Variants in CTNNA1 observed in about 807,000 individuals in gnomAD.
CTNNA1 encodes catenin alpha-1.
CTNNA1 carries 37 observed loss-of-function variants against 98.4 expected under a neutral mutation model. The observed-to-expected ratio is 0.38, with a 90% CI of 0.29 to 0.49. CTNNA1 has a LOEUF of 0.49. Among genes scored for constraint, CTNNA1 ranks in the 20% least tolerant of loss-of-function variants. The pLI is 0.95. For synonymous variants in CTNNA1, 404 were observed against 413.2 expected (o/e 0.98, Z 0.27); for missense variants, 761 against 1,147.2 (o/e 0.66, Z 4.86).
At position 138,876,781 on chromosome 5, in the gene CTNNA1, G is replaced by T. The variant is rs143340313; in HGVS notation, c.1063-9431G>T. 3.4e-3 allele frequency among the ~76,000 whole-genome samples: 514 copies of T among 152,322 alleles called. 1 individual carries two copies. The highest frequency in any genetic ancestry group is 0.014 in the Middle Eastern group (4 of 294). On this transcript the variant is annotated intron_variant, in intron 7 of 17. Transcript: ENST00000302763. Reference sequence around the variant, plus strand: ...CTGTTGTAGTGTTGTGCTGGAGTGAGAGCTGTGAGACTCCAAGGTCCCTTC... The same window carrying T: ...CTGTTGTAGTGTTGTGCTGGAGTGATAGCTGTGAGACTCCAAGGTCCCTTC...
At chr5:138,848,488 CT>C (rs1762922878) in intron 7 of CTNNA1, among the ~76,000 whole-genome samples, 1 of 152,170 alleles carries the variant, frequency 6.6e-6, no homozygotes, top group South Asian at 2.1e-4. Context: ...AGTTCTCTCT[CT>C]GCTCCCCCTT....
intron 7 of CTNNA1, among the ~76,000 whole-genome samples, chr5:138,865,265 G>C (rs776380401): frequency 1.3e-5 from 2 of 152,180 alleles, no homozygotes; most frequent in Non-Finnish European, 2.9e-5. Flanking sequence ...GAAAGTGCTT[G>C]GTTCATTCTT....
At chr5:138,904,518 A>G (rs1758749174) in intron 10 of CTNNA1, 77 bp downstream of exon 10, 1 of 1,549,244 alleles carries the variant, frequency 6.5e-7, no homozygotes, top group Non-Finnish European at 8.8e-7. Flanking sequence ...TTATTTTGTT[A>G]AGTTTTGTTT....
rs117087060 is a variant in CTNNA1 at position 138,757,420 on chromosome 5, G to C, written c.-3+3910G>C. On this transcript the variant is annotated intron_variant, in intron 1 of 17. Transcript: ENST00000302763. ...ACAGTTCAAGGCTGCTGTGAACTATGATCATGCCCCTGCACTCCAGCCTGG... is the reference window on the plus strand; with the variant it reads ...ACAGTTCAAGGCTGCTGTGAACTATCATCATGCCCCTGCACTCCAGCCTGG... Among the ~76,000 whole-genome samples, 717 of 152,206 alleles carry C rather than the reference G, an allele frequency of 4.7e-3. 8 individuals are homozygous for C. Among genetic ancestry groups the C allele is most frequent in the East Asian group, 0.042 (218 of 5,174 alleles).
Position 138,873,396 on chromosome 5 carries a change from TTGA to T in CTNNA1, c.1063-12812_1063-12810del. 1 of 1,614,068 alleles carries T rather than the reference TTGA, an allele frequency of 6.2e-7. No individual in the cohort carries two copies. Among genetic ancestry groups the T allele is most frequent in the Non-Finnish European group, 8.5e-7 (1 of 1,179,906 alleles). On this transcript the variant is annotated intron_variant, in intron 7 of 17. Coordinates refer to ENST00000302763, the MANE Select transcript of CTNNA1 (RefSeq NM_001903.5). The surrounding 1 kb of genome is among the most constrained non-coding windows in gnomAD (Gnocchi z 6.1). ...ATTTCTTTGTCTCCCACATGGTAAC[TTGA>T]TGAGCTTATTCTTTTTGTATATTCA...
intron 1 of CTNNA1, among the ~76,000 whole-genome samples, chr5:138,768,558 GTTTT>G (rs36038829): frequency 3.0e-5 from 2 of 67,604 alleles, no homozygotes; most frequent in Admixed American, 2.0e-4. Flanking sequence ...AACGGTGTCT[GTTTT>G]TTTTTTTTTT....
intron 7 of CTNNA1, chr5:138,871,273 T>C (rs1457192953): frequency 6.6e-6 from 1 of 152,212 alleles, no homozygotes; most frequent in East Asian, 1.9e-4. Context: ...GTCTTTTTTC[T>C]ACATACAGTA....
chr5:138,810,268 T>C, intron 4 of CTNNA1, 64 bp downstream of exon 4: 2 of 1,528,188 alleles, frequency 1.3e-6, no homozygotes, highest in South Asian at 2.3e-5. Flanking sequence ...TGGCCTTCCT[T>C]AGTTCAGTAT....
chr5:138,842,522 C>T (rs534981924), intron 7 of CTNNA1, among the ~76,000 whole-genome samples: 1 of 152,286 alleles, frequency 6.6e-6, no homozygotes, highest in East Asian at 1.9e-4. Context: ...GATCCTCTCA[C>T]CTCCCTCACC....
intron 10 of CTNNA1, among the ~76,000 whole-genome samples, chr5:138,914,611 A>G (rs1274495900): frequency 6.6e-6 from 1 of 151,954 alleles, no homozygotes; most frequent in East Asian, 1.9e-4. Context: ...GGGAAGAGGA[A>G]TAGCGGCACC....
Position 138,841,847 on chromosome 5 carries a change from A to G in CTNNA1, c.1062+14129A>G, listed in dbSNP as rs1250576120. Among the ~76,000 whole-genome samples the G allele has an allele frequency of 2.0e-5, 3 of 152,364 alleles. No homozygotes were observed. In the East Asian group the frequency reaches 5.8e-4, roughly 29 times the overall value. ...TTTATAATAATCTACCAAGTTGAATACAGTGTGACATCGTATTTCAAGGCT... is the reference window on the plus strand; with the variant it reads ...TTTATAATAATCTACCAAGTTGAATGCAGTGTGACATCGTATTTCAAGGCT... On this transcript the variant is annotated intron_variant, in intron 7 of 17. Coordinates refer to ENST00000302763, the MANE Select transcript of CTNNA1 (RefSeq NM_001903.5).
intron 7 of CTNNA1, among the ~76,000 whole-genome samples, chr5:138,830,751 A>G (rs1401464711): frequency 6.6e-6 from 1 of 152,208 alleles, no homozygotes. Flanking sequence ...GGCACAATGT[A>G]AGAGGAGGAA....
chr5:138,919,573 C>A (rs1032478664), intron 11 of CTNNA1, among the ~76,000 whole-genome samples: 1 of 152,198 alleles, frequency 6.6e-6, no homozygotes, highest in African/African-American at 2.4e-5. Flanking sequence ...TTAACAGATA[C>A]ACTGTTGTCT....
intron 7 of CTNNA1, chr5:138,827,951 A>C: frequency 1.9e-6 from 1 of 527,050 alleles, no homozygotes; most frequent in Non-Finnish European, 3.4e-6. Context: ...ATACCTAGGA[A>C]ATTTATCTGT....
At chr5:138,819,080 G>A (rs1384622112) in intron 5 of CTNNA1, among the ~76,000 whole-genome samples, 1 of 151,964 alleles carries the variant, frequency 6.6e-6, no homozygotes, top group Non-Finnish European at 1.5e-5. Context: ...TTGGGAAGAA[G>A]GGGTGCTCTG....
chr5:138,776,898 G>A (rs1754323298), intron 1 of CTNNA1, among the ~76,000 whole-genome samples: 1 of 137,898 alleles, frequency 7.3e-6, no homozygotes, highest in African/African-American at 2.7e-5. Flanking sequence ...CCGGGCAGGG[G>A]GCTGACCCCC....
chr5:138,767,311 C>T (rs954667501), intron 1 of CTNNA1, among the ~76,000 whole-genome samples: 2 of 152,192 alleles, frequency 1.3e-5, no homozygotes, highest in African/African-American at 2.4e-5. Flanking sequence ...GCTGGGATTA[C>T]AGGCATGAGC....
intron 9 of CTNNA1, among the ~76,000 whole-genome samples, chr5:138,896,165 T>C (rs1476874755): frequency 1.3e-5 from 2 of 152,176 alleles, no homozygotes; most frequent in Admixed American, 6.5e-5. Context: ...CAGAAGTAAA[T>C]TCCTCTAGTC....
intron 10 of CTNNA1, chr5:138,904,822 CA>C (rs1445792102): frequency 6.3e-6 from 1 of 158,542 alleles, no homozygotes; most frequent in Non-Finnish European, 1.4e-5. Context: ...TGGCCGGGCA[CA>C]GTGGCTCACG....
Sources: gnomAD v4.1 joint callset for allele counts (sites outside exome capture counted in the v4.1 genomes callset) on GRCh38, gnomAD v4.1.1 for gene constraint, Gnocchi (gnomAD v3.1) non-coding constraint, MANE v1.5 for transcripts, NCBI Gene and HGNC (gene_info 2026-07-23, HGNC 2026-07-21) for gene names.